The following CA5B variants were observed in gnomAD, a reference collection of about 807,000 sequenced individuals.
The protein encoded by CA5B is carbonic anhydrase 5B, also known as carbonic anhydrase 5B, mitochondrial.
Under a neutral mutation model 23.1 loss-of-function variants are expected in CA5B, and 15 were observed. That is an observed-to-expected ratio of 0.65 (90% confidence interval 0.43 to 1.00). The LOEUF (loss-of-function observed/expected upper bound fraction) is 1.00. Among genes scored for constraint, CA5B ranks in the 50% least tolerant of loss-of-function variants. The pLI is 0.00. For synonymous variants in CA5B, 84 were observed against 98.5 expected (o/e 0.85, Z 0.87); for missense variants, 236 against 252.2 (o/e 0.94, Z 0.43).
At chrX:15,774,460 T>C (rs1931881189) in intron 5 of CA5B, 63 bp downstream of exon 5, 1 of 987,677 alleles carries the variant, frequency 1.0e-6, no homozygotes, top group Admixed American at 2.6e-5. Flanking sequence ...TAGAACAGTA[T>C]AATATTGTTA....
chrX:15,752,993 C>G (rs138372745), intron 2 of CA5B, among the ~76,000 whole-genome samples: 2,340 of 111,309 alleles, frequency 0.021, 53 homozygotes, highest in African/African-American at 0.072. Flanking sequence ...AGAAGCCCCC[C>G]CAACCCCCAC....
At chrX:15,778,645 CAT>C (rs1209988147) in intron 7 of CA5B, among the ~76,000 whole-genome samples, 1 of 111,838 alleles carries the variant, frequency 8.9e-6, no homozygotes, top group African/African-American at 3.3e-5. Context: ...TTAATTGACT[CAT>C]AGTTCCACAG....
chrX:15,755,747 G>A (rs1325584069), intron 2 of CA5B, among the ~76,000 whole-genome samples: 1 of 112,068 alleles, frequency 8.9e-6, no homozygotes, highest in Non-Finnish European at 1.9e-5. Flanking sequence ...ACCTGCCTGG[G>A]CAGCATAGCA....
rs1932064749 is a variant in CA5B, at chrX:15,783,804, A to G, written c.*1140A>G. 1 of 108,455 alleles carries G rather than the reference A, an allele frequency of 9.2e-6. No individual in the cohort carries two copies. Among genetic ancestry groups the G allele is most frequent in the Non-Finnish European group, 1.9e-5 (1 of 52,221 alleles). The allele number at this position is 108,455 out of a possible 1,213,427, so 8.9% of individuals were successfully genotyped here. ...AGACTCTGTGTCTAATAAAAAAAAAAAAAGAAAAGAAAAGAAAAAATGCTT... is the reference window on the plus strand; with the variant it reads ...AGACTCTGTGTCTAATAAAAAAAAAGAAAGAAAAGAAAAGAAAAAATGCTT... On this transcript the variant is annotated 3_prime_UTR_variant, in exon 8 of 8. Coordinates refer to ENST00000318636, the MANE Select transcript of CA5B (RefSeq NM_007220.4).
At chrX:15,749,360 TTGTC>T (rs1484371877) in intron 1 of CA5B, among the ~76,000 whole-genome samples, 4 of 111,984 alleles carry the variant, frequency 3.6e-5, no homozygotes, top group Non-Finnish European at 7.5e-5. Flanking sequence ...AGGATTAACT[TTGTC>T]TGTTTTCCCA....
chrX:15,763,789 C>G (rs950695927), intron 2 of CA5B, among the ~76,000 whole-genome samples: 14 of 111,877 alleles, frequency 1.3e-4, no homozygotes, highest in Admixed American at 1.9e-4. Flanking sequence ...AAGACACAGG[C>G]CTTAGAACCA....
At chrX:15,740,946 C>T (rs1931107337) in intron 1 of CA5B, among the ~76,000 whole-genome samples, 1 of 111,401 alleles carries the variant, frequency 9.0e-6, no homozygotes, top group African/African-American at 3.3e-5. Flanking sequence ...CCTGTGGTCC[C>T]AGCTACTTGG....
intron 2 of CA5B, among the ~76,000 whole-genome samples, chrX:15,755,897 A>G: frequency 8.9e-6 from 1 of 112,946 alleles, no homozygotes. Flanking sequence ...TATCTAAAAT[A>G]TTATCACTTT....
intron 2 of CA5B, chrX:15,750,395 G>C: frequency 3.4e-6 from 1 of 298,086 alleles, no homozygotes; most frequent in East Asian, 4.9e-5. Context: ...CTGTTTCTCT[G>C]TTGATTCATG....
rs1343481769 is a variant in CA5B at position 15,749,652 on chromosome X, T to C, written c.-53-319T>C. Reference sequence around the variant, plus strand: ...TGGGATTTCCTGGAGCAATTTTTTTTTTTTTAAGAAACTGTACTGTAAACA... The same window carrying C: ...TGGGATTTCCTGGAGCAATTTTTTTCTTTTTAAGAAACTGTACTGTAAACA... On this transcript the variant is annotated intron_variant, in intron 1 of 7. Coordinates refer to ENST00000318636, the MANE Select transcript of CA5B (RefSeq NM_007220.4). Among the ~76,000 whole-genome samples, 3 of 111,175 alleles carry C rather than the reference T, an allele frequency of 2.7e-5. No individual in the cohort carries two copies. The East Asian group carries it at 8.4e-4, about 31-fold the overall frequency.
intron 6 of CA5B, 120 bp downstream of exon 6, chrX:15,775,428 G>A: frequency 5.9e-6 from 6 of 1,020,914 alleles, no homozygotes; most frequent in Non-Finnish European, 7.5e-6. Flanking sequence ...TTCAGCCTTA[G>A]AAGAAAACTT....
Position 15,782,569 on chromosome X carries a change from C to G in CA5B, c.859C>G (p.Leu287Val), listed in dbSNP as rs750161253. ...GGACAACTTCCGCCCCCTTCAGCCA[C>G]TGATGAATCGCACTGTTCGTTCATC... ...MVDNFRPLQP[L>V]MNRTVRSSFR... The change falls in exon 8 of 8, where the codon CTG becomes GTG. Residue 287 changes from leucine (L) to valine (V), a missense_variant. Physicochemically the swap from Leu to Val is conservative, Grantham distance 32. This residue lies in a region of CA5B where 170 missense variants were observed against 162.0 expected (regional missense o/e 1.05). Coordinates refer to ENST00000318636, the MANE Select transcript of CA5B (RefSeq NM_007220.4). The G allele has an allele frequency of 4.1e-6, 5 of 1,208,428 alleles. No homozygotes were observed. The highest frequency in any genetic ancestry group is 4.5e-6 in the Non-Finnish European group (4 of 893,927).
At position 15,764,603 on chromosome X, in the gene CA5B, C is replaced by G. The variant is rs1192833016; in HGVS notation, c.168C>G (p.Asp56Glu). The change falls in exon 3 of 8, where the codon GAC becomes GAG. Residue 56 changes from aspartate to glutamate, a missense_variant. Asp to Glu is a conservative substitution (Grantham distance 45, BLOSUM62 2). Around this residue, in one of 3 missense-constraint regions of CA5B, gnomAD observed 54 missense variants for 46.6 expected, o/e 1.16. Coordinates refer to ENST00000318636, the MANE Select transcript of CA5B (RefSeq NM_007220.4). ...RALHPLWESV[D>E]LVPGGDRQSP... ...TGCATCCACTCTGGGAGAGCGTGGA[C>G]CTGGTTCCTGGGGGCGATCGCCAGT... 8.3e-7 allele frequency: 1 copy of G among 1,198,727 alleles called. No individual in the cohort carries two copies. The highest frequency in any genetic ancestry group is 2.3e-5 in the Admixed American group (1 of 44,248).
intron 1 of CA5B, among the ~76,000 whole-genome samples, chrX:15,746,138 C>T (rs763991854): frequency 3.1e-5 from 3 of 96,106 alleles, no homozygotes; most frequent in East Asian, 7.2e-4. Flanking sequence ...CTACACCTCC[C>T]GGGTTCAAGC....
chrX:15,753,374 T>C (rs1931418457), intron 2 of CA5B, among the ~76,000 whole-genome samples: 1 of 112,202 alleles, frequency 8.9e-6, no homozygotes, highest in Non-Finnish European at 1.9e-5. Context: ...CTGAAAGAAA[T>C]GCTTGAGTTA....
chrX:15,766,096 G>T (rs1470779486), intron 3 of CA5B, among the ~76,000 whole-genome samples: 1 of 97,883 alleles, frequency 1.0e-5, no homozygotes, highest in Non-Finnish European at 2.0e-5. Context: ...GGCAGAGGTT[G>T]CAGTGAGCCG....
At chrX:15,752,672 C>T (rs1012334520) in intron 2 of CA5B, among the ~76,000 whole-genome samples, 1 of 109,884 alleles carries the variant, frequency 9.1e-6, no homozygotes, top group East Asian at 2.9e-4. Context: ...TTGCAGTGAG[C>T]CGAGATCGCG....
At chrX:15,752,987 G>GCC (rs201070875) in intron 2 of CA5B, among the ~76,000 whole-genome samples, 1 of 110,805 alleles carries the variant, frequency 9.0e-6, no homozygotes, top group African/African-American at 3.3e-5. Flanking sequence ...TAGCGTAGAA[G>GCC]CCCCCCCAAC....
At chrX:15,775,400 T>G in intron 6 of CA5B, 92 bp downstream of exon 6, 1 of 1,091,834 alleles carries the variant, frequency 9.2e-7, no homozygotes. Flanking sequence ...ATTGGGAAGT[T>G]TAATTAGGTG....
Sources: gnomAD v4.1 joint callset for allele counts (sites outside exome capture counted in the v4.1 genomes callset) on GRCh38, gnomAD v4.1.1 for gene constraint, gnomAD v4.1.1 regional missense constraint, MANE v1.5 for transcripts, NCBI Gene and HGNC (gene_info 2026-07-23, HGNC 2026-07-21) for gene names.